Variants in TSPAN15 observed in about 807,000 individuals in gnomAD.
TSPAN15 encodes tetraspanin 15, also known as tetraspanin-15.
TSPAN15 carries 20 observed loss-of-function variants against 34.5 expected under a neutral mutation model. The ratio of observed to expected loss-of-function variants is 0.58; its 90% CI spans 0.41 to 0.84. The LOEUF is 0.84. Among genes scored for constraint, TSPAN15 ranks in the 40% least tolerant of loss-of-function variants. The pLI, the probability that TSPAN15 is intolerant of heterozygous loss-of-function variation, is 0.00. For synonymous variants in TSPAN15, 155 were observed against 153.9 expected (o/e 1.01, Z -0.05); for missense variants, 313 against 386.1 (o/e 0.81, Z 1.59).
chr10:69,492,661 C>T (rs930038564), intron 3 of TSPAN15, among the ~76,000 whole-genome samples: 1 of 152,140 alleles, frequency 6.6e-6, no homozygotes, highest in Non-Finnish European at 1.5e-5. Context: ...TTTGGGGAGG[C>T]GGGATGGTTT....
the TSPAN15 span, among the ~76,000 whole-genome samples, chr10:69,517,175 G>A: frequency 4.6e-4 from 70 of 152,260 alleles, 1 homozygote; most frequent in South Asian, 0.013. Flanking sequence ...TGGTGGCTGC[G>A]CTCTCCCTTC....
chr10:69,531,375 G>A, the TSPAN15 span, among the ~76,000 whole-genome samples: 1 of 152,142 alleles, frequency 6.6e-6, no homozygotes, highest in East Asian at 1.9e-4. Flanking sequence ...GAGGCAAGTG[G>A]ATCTCTTGAG....
At chr10:69,456,530 G>A (rs999455802) in intron 1 of TSPAN15, among the ~76,000 whole-genome samples, 2 of 152,018 alleles carry the variant, frequency 1.3e-5, no homozygotes, top group East Asian at 3.8e-4. Context: ...CTTTATATCA[G>A]TATTATGAAT....
chr10:69,534,443 C>T, the TSPAN15 span, among the ~76,000 whole-genome samples: 3 of 151,902 alleles, frequency 2.0e-5, no homozygotes, highest in Non-Finnish European at 2.9e-5. Flanking sequence ...TGGTACAATC[C>T]CTCAAAATAA....
chr10:69,495,017 G>A (rs1214031282), intron 3 of TSPAN15: 7 of 339,882 alleles, frequency 2.1e-5, no homozygotes, highest in Non-Finnish European at 2.5e-5. Flanking sequence ...CAGTGATGAG[G>A]AGAACAGCCC....
chr10:69,537,421 T>C, the TSPAN15 span, among the ~76,000 whole-genome samples: 2 of 152,194 alleles, frequency 1.3e-5, no homozygotes, highest in Non-Finnish European at 2.9e-5. Context: ...TGCTGAAAAC[T>C]GGGTGGCTTA....
intron 1 of TSPAN15, among the ~76,000 whole-genome samples, chr10:69,475,817 C>A (rs960876381): frequency 6.6e-6 from 1 of 152,044 alleles, no homozygotes; most frequent in Admixed American, 6.5e-5. Flanking sequence ...GAACCCAAGA[C>A]GTTAGATGTC....
At chr10:69,534,718 C>T in the TSPAN15 span, among the ~76,000 whole-genome samples, 4 of 151,100 alleles carry the variant, frequency 2.6e-5, no homozygotes, top group East Asian at 7.8e-4. Flanking sequence ...TGTAGTGGCT[C>T]ATGTCTGTAA....
In TSPAN15 at chr10:69,488,058, G is replaced by T. The variant is rs140560304; in HGVS notation, c.357+2843G>T. Among the ~76,000 whole-genome samples, 13 of 152,226 alleles carry T rather than the reference G, an allele frequency of 8.5e-5. No homozygotes were observed. In the East Asian group the frequency reaches 1.7e-3, roughly 20 times the overall value. Reference sequence around the variant, plus strand: ...AAGATCGCTACAATGAAAAAAATAGGTCTACAAAAAGACTTAAAGGAATGG... The same window carrying T: ...AAGATCGCTACAATGAAAAAAATAGTTCTACAAAAAGACTTAAAGGAATGG... On this transcript the variant is annotated intron_variant, in intron 3 of 7. Coordinates refer to ENST00000373290, the MANE Select transcript of TSPAN15 (RefSeq NM_012339.5).
intron 3 of TSPAN15, among the ~76,000 whole-genome samples, chr10:69,490,508 G>A (rs1373506743): frequency 6.6e-6 from 1 of 152,182 alleles, no homozygotes; most frequent in Non-Finnish European, 1.5e-5. Flanking sequence ...ATCATTTGAG[G>A]TCAGGAGTTT....
chr10:69,530,820 C>CTATATATATATATA, the TSPAN15 span, among the ~76,000 whole-genome samples: 1 of 30,780 alleles, frequency 3.2e-5, no homozygotes, highest in Non-Finnish European at 6.0e-5. Flanking sequence ...CTCTCTCTCT[C>CTATATATATATATA]TATATATATA....
rs1842132608 is a variant in TSPAN15, at chr10:69,498,373, T to G, written c.547T>G (p.Tyr183Asp). The G allele has an allele frequency of 1.2e-6, 2 of 1,613,880 alleles. No individual in the cohort carries two copies. The highest frequency in any genetic ancestry group is 1.7e-6 in the Non-Finnish European group (2 of 1,179,888). The change falls in exon 5 of 8, where the codon TAC (tyrosine) becomes GAC (aspartate). Residue 183 changes from tyrosine to aspartate, a missense_variant. Coordinates refer to ENST00000373290, the MANE Select transcript of TSPAN15 (RefSeq NM_012339.5). The stretch of plus-strand genomic sequence containing the variant: ...TGGACCCCTGGCCTGTGGGGTGCCC[T>G]ACACCTGCTGCATCAGGAACACGGT... ...APGPLACGVP[Y>D]TCCIRNTTEV...
At chr10:69,479,259 T>C (rs1478696123) in intron 1 of TSPAN15, among the ~76,000 whole-genome samples, 2 of 152,236 alleles carry the variant, frequency 1.3e-5, no homozygotes, top group Non-Finnish European at 2.9e-5. Flanking sequence ...AGATGCTTCC[T>C]TCAGGAGGCA....
the TSPAN15 span, among the ~76,000 whole-genome samples, chr10:69,529,320 A>G: frequency 6.8e-6 from 1 of 147,952 alleles, no homozygotes; most frequent in Non-Finnish European, 1.5e-5. Flanking sequence ...CCCATGGCTC[A>G]TCCCCGCTGC....
chr10:69,539,448 G>GA, the TSPAN15 span, among the ~76,000 whole-genome samples: 16 of 22,500 alleles, frequency 7.1e-4, no homozygotes, highest in East Asian at 5.8e-3. Context: ...GAAGGAAGAA[G>GA]AAGAAGAAGA....
At chr10:69,477,395 G>A (rs1841639428) in intron 1 of TSPAN15, among the ~76,000 whole-genome samples, 1 of 152,130 alleles carries the variant, frequency 6.6e-6, no homozygotes, top group Non-Finnish European at 1.5e-5. Flanking sequence ...TTACAGACAT[G>A]AGCCACTGCA....
chr10:69,491,229 G>C (rs1841962372), intron 3 of TSPAN15, among the ~76,000 whole-genome samples: 1 of 152,184 alleles, frequency 6.6e-6, no homozygotes, highest in African/African-American at 2.4e-5. Context: ...GCTTCTATTG[G>C]GACTGGAGCA....
At chr10:69,539,551 G>C in the TSPAN15 span, among the ~76,000 whole-genome samples, 5 of 59,744 alleles carry the variant, frequency 8.4e-5, no homozygotes, top group African/African-American at 3.0e-4. Context: ...GAAGGAGAAG[G>C]AGAAGGAGAA....
intron 3 of TSPAN15, among the ~76,000 whole-genome samples, chr10:69,493,528 AGTGGTGCCATCTCGGCTCACT>A (rs1415472069): frequency 2.9e-5 from 4 of 139,028 alleles, no homozygotes; most frequent in Non-Finnish European, 6.0e-5. Context: ...TCTAGAGTGC[AGTGGTGCCATCTCGGCTCACT>A]GCAACCTCTG....
Sources: gnomAD v4.1 joint callset for allele counts (sites outside exome capture counted in the v4.1 genomes callset) on GRCh38, gnomAD v4.1.1 for gene constraint, MANE v1.5 for transcripts, NCBI Gene and HGNC (gene_info 2026-07-23, HGNC 2026-07-21) for gene names.